CEP112: variants seen among roughly 807,000 people sequenced by gnomAD.
CEP112 encodes centrosomal protein 112, also known as centrosomal protein of 112 kDa.
In CEP112, 127 loss-of-function variants were observed where a neutral mutation model predicts 153.0. That is an observed-to-expected ratio of 0.83 (90% CI 0.72 to 0.96). The LOEUF is 0.96. Ranked by LOEUF, CEP112 falls within the 40% of genes least tolerant of loss-of-function variation. CEP112 has a pLI of 0.00. For missense variants in CEP112, 1,089 were observed against 1,101.2 expected (o/e 0.99, Z 0.16); for synonymous variants, 358 against 374.4 (o/e 0.96, Z 0.51).
chr17:66,116,091 G>C (rs2069276190), intron 6 of CEP112, among the ~76,000 whole-genome samples: 2 of 152,144 alleles, frequency 1.3e-5, no homozygotes, highest in Non-Finnish European at 2.9e-5. Context: ...GAAAAAATTT[G>C]ACCCAGCTAC....
At chr17:65,751,030 G>T in intron 21 of CEP112, 1 of 253,666 alleles carries the variant, frequency 3.9e-6, no homozygotes, top group Non-Finnish European at 7.4e-6. Flanking sequence ...GGTAAAGTAA[G>T]GGAAAGAGAG....
At chr17:65,835,763 A>C (rs747164740) in intron 21 of CEP112, among the ~76,000 whole-genome samples, 9 of 152,242 alleles carry the variant, frequency 5.9e-5, no homozygotes, top group Non-Finnish European at 1.2e-4. Flanking sequence ...ACATGTAACA[A>C]GAAAACATCT....
intron 17 of CEP112, among the ~76,000 whole-genome samples, chr17:65,977,193 A>G (rs1555743664): frequency 6.6e-6 from 1 of 152,220 alleles, no homozygotes; most frequent in Non-Finnish European, 1.5e-5. Context: ...TTCTTACAGC[A>G]TCTGTGCTTC....
intron 13 of CEP112, among the ~76,000 whole-genome samples, chr17:66,029,589 G>C (rs1463133053): frequency 1.3e-5 from 2 of 151,892 alleles, no homozygotes; most frequent in Non-Finnish European, 2.9e-5. Flanking sequence ...CTGCAGTCCT[G>C]GCTACTTGGG....
chr17:65,692,657 C>A (rs2048168229), intron 23 of CEP112, among the ~76,000 whole-genome samples: 1 of 152,188 alleles, frequency 6.6e-6, no homozygotes, highest in African/African-American at 2.4e-5. Context: ...ACCTACTCTG[C>A]TCAATGATGT....
At chr17:65,672,294 T>A (rs1372214867) in intron 24 of CEP112, among the ~76,000 whole-genome samples, 2 of 152,190 alleles carry the variant, frequency 1.3e-5, no homozygotes, top group African/African-American at 4.8e-5. Context: ...AGTTCCTGAA[T>A]GGGAAGACTC....
chr17:66,184,877 CCA>C (rs761771190), intron 1 of CEP112, among the ~76,000 whole-genome samples: 4 of 152,090 alleles, frequency 2.6e-5, no homozygotes, highest in Non-Finnish European at 4.4e-5. Context: ...TGTGGCATAT[CCA>C]CACAATAACA....
chr17:65,976,962 T>C (rs2063060115), intron 17 of CEP112, among the ~76,000 whole-genome samples: 1 of 152,032 alleles, frequency 6.6e-6, no homozygotes, highest in Non-Finnish European at 1.5e-5. Context: ...TGTCTCAAAC[T>C]CCCGACCTCA....
chr17:65,903,525 T>G (rs1221343181), intron 19 of CEP112, among the ~76,000 whole-genome samples: 1 of 152,158 alleles, frequency 6.6e-6, no homozygotes, highest in Non-Finnish European at 1.5e-5. Flanking sequence ...AAATGTTTTC[T>G]TATTGTGATT....
chr17:65,934,884 T>C (rs1221366263), intron 18 of CEP112, among the ~76,000 whole-genome samples: 2 of 152,154 alleles, frequency 1.3e-5, no homozygotes, highest in African/African-American at 4.8e-5. Context: ...TTTACAATCA[T>C]GGTAGATGGC....
chr17:66,128,405 A>AATG (rs2069962898), intron 6 of CEP112, among the ~76,000 whole-genome samples: 1 of 152,146 alleles, frequency 6.6e-6, no homozygotes, highest in African/African-American at 2.4e-5. Context: ...ATCCAATAGA[A>AATG]CTTTCATAAT....
intron 20 of CEP112, among the ~76,000 whole-genome samples, chr17:65,856,725 A>G (rs1196425650): frequency 1.3e-5 from 2 of 152,202 alleles, no homozygotes; most frequent in Non-Finnish European, 2.9e-5. Context: ...CCACTAGGAA[A>G]ATCTTTAAAA....
chr17:66,135,936 C>T (rs1237666722), intron 4 of CEP112, among the ~76,000 whole-genome samples: 2 of 152,046 alleles, frequency 1.3e-5, no homozygotes, highest in South Asian at 2.1e-4. Context: ...TAGGGGGTGA[C>T]GTCAGATGTC....
At chr17:66,081,671 C>T (rs2067724208) in intron 8 of CEP112, among the ~76,000 whole-genome samples, 2 of 150,776 alleles carry the variant, frequency 1.3e-5, no homozygotes, top group African/African-American at 2.4e-5. Flanking sequence ...AATCCCAGCA[C>T]TCCGGGAGGC....
chr17:66,023,389 C>G (rs1024910117), intron 16 of CEP112, among the ~76,000 whole-genome samples: 1 of 152,094 alleles, frequency 6.6e-6, no homozygotes, highest in Non-Finnish European at 1.5e-5. Flanking sequence ...AAACCTTTTC[C>G]AAACCAGAAG....
chr17:65,644,355 G>T, intron 24 of CEP112: 1 of 561,004 alleles, frequency 1.8e-6, no homozygotes, highest in South Asian at 1.9e-5. Context: ...GTGAGAAGCC[G>T]GACAAGTTCA....
chr17:65,908,964 G>C (rs374461514), intron 19 of CEP112, among the ~76,000 whole-genome samples: 3 of 152,234 alleles, frequency 2.0e-5, no homozygotes, highest in Non-Finnish European at 2.9e-5. Context: ...TAGGGATCTT[G>C]GGATATATAT....
chr17:65,832,922 A>G (rs1034177433), intron 21 of CEP112, among the ~76,000 whole-genome samples: 1 of 152,200 alleles, frequency 6.6e-6, no homozygotes, highest in Non-Finnish European at 1.5e-5. Context: ...ACTTTAGGCC[A>G]ATATACTTGA....
intron 24 of CEP112, among the ~76,000 whole-genome samples, chr17:65,643,030 C>T (rs1016425390): frequency 4.6e-5 from 7 of 152,160 alleles, no homozygotes; most frequent in African/African-American, 1.4e-4. Context: ...CACACCATCC[C>T]GGGACAAGTG....
Sources: gnomAD v4.1 joint callset for allele counts (sites outside exome capture counted in the v4.1 genomes callset) on GRCh38, gnomAD v4.1.1 for gene constraint, MANE v1.5 for transcripts, NCBI Gene and HGNC (gene_info 2026-07-23, HGNC 2026-07-21) for gene names.